ZNF66: variants seen among roughly 807,000 people sequenced by gnomAD.
ZNF66 encodes the protein putative zinc finger protein 66.
A neutral mutation model predicts 35.2 loss-of-function variants in ZNF66; 32 were observed. The observed-to-expected ratio is 0.91, with a 90% CI of 0.69 to 1.22. The LOEUF (loss-of-function observed/expected upper bound fraction) is 1.22. Ranked by LOEUF, ZNF66 falls within the 50% of genes most tolerant of loss-of-function variation. ZNF66 has a pLI of 0.00. For synonymous variants in ZNF66, 231 were observed against 181.3 expected (o/e 1.27, Z -2.20); for missense variants, 666 against 543.1 (o/e 1.23, Z -2.25).
Position 20,807,048 on chromosome 19 carries a change from G to C in ZNF66, c.1448G>C (p.Cys483Ser), listed in dbSNP as rs1027882853. 1.2e-6 allele frequency: 1 copy of C among 841,498 alleles called. No individual in the cohort carries two copies. The highest frequency in any genetic ancestry group is 1.8e-5 in the Admixed American group (1 of 56,748). 52.1% of individuals were successfully genotyped at this position (841,498 alleles called of 1,614,324 possible). ...CATACTGGAGAGAAGCCTTACAAAT[G>C]TGAAGAATGTGGCAAGGCCTTTAAG... Reference protein sequence around the residue: ...KIHTGEKPYKCEECGKAFKCS... With the variant: ...KIHTGEKPYKSEECGKAFKCS... The change falls in exon 4 of 4, where the codon TGT (cysteine) becomes TCT (serine). Residue 483 changes from cysteine (C) to serine (S), a missense_variant. By Grantham distance (112) the Cys-to-Ser change is moderately radical. Coordinates refer to ENST00000344519, the MANE Select transcript of ZNF66 (RefSeq NM_001355197.2).
chr19:20,798,209 CA>C (rs913676545), intron 3 of ZNF66, among the ~76,000 whole-genome samples: 11 of 151,524 alleles, frequency 7.3e-5, no homozygotes, highest in Admixed American at 5.9e-4. Flanking sequence ...AGGTAATTTT[CA>C]AAAAAATATG....
At chr19:20,779,779 A>T (rs57878888) in intron 1 of ZNF66, among the ~76,000 whole-genome samples, 14,021 of 145,500 alleles carry the variant, frequency 0.096, 668 homozygotes, top group Middle Eastern at 0.12. Flanking sequence ...AAAAAAAAAA[A>T]TCAACAGGTG....
chr19:20,795,372 CT>C (rs71174747), intron 3 of ZNF66, among the ~76,000 whole-genome samples: 206 of 143,088 alleles, frequency 1.4e-3, no homozygotes, highest in African/African-American at 2.2e-3. Flanking sequence ...TTTTCTTTTT[CT>C]TTTTTTTTTT....
chr19:20,786,496 C>T (rs66478629), intron 1 of ZNF66, among the ~76,000 whole-genome samples: 14,181 of 152,182 alleles, frequency 0.093, 679 homozygotes, highest in Middle Eastern at 0.11. Context: ...TGCCCACAAA[C>T]GTACAGGTAA....
chr19:20,798,662 A>G (rs1170068335), intron 3 of ZNF66, among the ~76,000 whole-genome samples: 1 of 152,128 alleles, frequency 6.6e-6, no homozygotes, highest in Non-Finnish European at 1.5e-5. Context: ...CTCAATGCCC[A>G]TTAAGTAACA....
At position 20,809,849 on chromosome 19, in the gene ZNF66, A is replaced by T. The variant is rs557867265; in HGVS notation, c.*2527A>T. On this transcript the variant is annotated 3_prime_UTR_variant, in exon 4 of 4. Transcript: ENST00000344519. Reference sequence around the variant, plus strand: ...ATAACAATATTAGCTTTAAATGTAAATGGGCTAAATGCTCCAATTAAAAGA... The same window carrying T: ...ATAACAATATTAGCTTTAAATGTAATTGGGCTAAATGCTCCAATTAAAAGA... 1.3e-5 allele frequency among the ~76,000 whole-genome samples: 2 copies of T among 152,330 alleles called. No individual in the cohort carries two copies. Among genetic ancestry groups the T allele is most frequent in the South Asian group, 4.2e-4 (2 of 4,818 alleles).
rs1180023078 is a variant in ZNF66 at position 20,776,346 on chromosome 19, T to C, written c.-102T>C. The C allele has an allele frequency of 2.7e-6, 4 of 1,482,498 alleles. No individual in the cohort carries two copies. The highest frequency in any genetic ancestry group is 3.4e-5 in the Admixed American group (2 of 59,460). The allele number at this position is 1,482,498 out of a possible 1,614,324, so 91.8% of individuals were successfully genotyped here. A position where few individuals can be genotyped will look rare whatever the true frequency, so the allele number is the denominator to read the frequency against. On this transcript the variant is annotated 5_prime_UTR_variant, in exon 1 of 4. Coordinates refer to ENST00000344519, the MANE Select transcript of ZNF66 (RefSeq NM_001355197.2). ...GAGCTCCAGGTCGTCTGTTCACTGC[T>C]CTCTGTCTTCTTCTCCTAGAGGCCC...
At chr19:20,777,806 A>G (rs1971209637) in intron 1 of ZNF66, among the ~76,000 whole-genome samples, 1 of 151,936 alleles carries the variant, frequency 6.6e-6, no homozygotes, top group South Asian at 2.1e-4. Flanking sequence ...TCATATTTTT[A>G]GTAGAGATGA....
chr19:20,798,798 G>T (rs1971419117), intron 3 of ZNF66, among the ~76,000 whole-genome samples: 1 of 152,096 alleles, frequency 6.6e-6, no homozygotes, highest in Non-Finnish European at 1.5e-5. Flanking sequence ...TTTGTTACTG[G>T]ATTAATTCAG....
At chr19:20,788,047 A>G (rs1401253168) in intron 1 of ZNF66, among the ~76,000 whole-genome samples, 1 of 152,214 alleles carries the variant, frequency 6.6e-6, no homozygotes, top group Non-Finnish European at 1.5e-5. Context: ...GTCTCAGTGT[A>G]AGAGAAATGA....
At chr19:20,805,229 C>CAGAG in intron 3 of ZNF66, among the ~76,000 whole-genome samples, 1 of 152,198 alleles carries the variant, frequency 6.6e-6, no homozygotes, top group South Asian at 2.1e-4. Flanking sequence ...GAGTCTCACT[C>CAGAG]TGTCACCCAG....
At chr19:20,781,293 G>A (rs34215623) in intron 1 of ZNF66, among the ~76,000 whole-genome samples, 13,894 of 152,060 alleles carry the variant, frequency 0.091, 774 homozygotes, top group Non-Finnish European at 0.12. Context: ...GTAAAATTAT[G>A]TCATGGGGGT....
chr19:20,792,657 C>A lies in ZNF66; in HGVS notation c.130+19C>A. On this transcript the variant is annotated intron_variant, in intron 2 of 3. Coordinates refer to ENST00000344519, the MANE Select transcript of ZNF66 (RefSeq NM_001355197.2). ...TTTCTTGGTGAGAAAAACTTTAATA[C>A]ATAACTCATAATATACACAAATTGT... The A allele has an allele frequency of 1.6e-6, 2 of 1,214,106 alleles. No homozygotes were observed. Among genetic ancestry groups the A allele is most frequent in the African/African-American group, 1.5e-5 (1 of 64,642 alleles). The allele number at this position is 1,214,106 out of a possible 1,614,324, so 75.2% of individuals were successfully genotyped here. A position where few individuals can be genotyped will look rare whatever the true frequency, so the allele number is the denominator to read the frequency against.
intron 1 of ZNF66, chr19:20,784,498 G>A (rs1452218589): frequency 2.6e-5 from 4 of 152,148 alleles, no homozygotes; most frequent in Non-Finnish European, 5.9e-5. Flanking sequence ...AAAGACAGGT[G>A]ATGTGGCCAC....
chr19:20,793,483 C>G (rs1971361828), intron 2 of ZNF66, among the ~76,000 whole-genome samples: 1 of 151,618 alleles, frequency 6.6e-6, no homozygotes, highest in Non-Finnish European at 1.5e-5. Context: ...TCACTATGCT[C>G]CGCTAATTTT....
chr19:20,790,282 G>T (rs1394546496), intron 1 of ZNF66, among the ~76,000 whole-genome samples: 1 of 152,232 alleles, frequency 6.6e-6, no homozygotes, highest in African/African-American at 2.4e-5. Context: ...TGTTCTGGGT[G>T]GAAGCATCCA....
intron 1 of ZNF66, among the ~76,000 whole-genome samples, chr19:20,790,157 T>C (rs1032193773): frequency 7.2e-5 from 11 of 152,256 alleles, no homozygotes; most frequent in African/African-American, 2.7e-4. Flanking sequence ...TTTATAAGCT[T>C]GTTAAAGCTT....
intron 2 of ZNF66, among the ~76,000 whole-genome samples, chr19:20,793,154 A>G (rs997638196): frequency 1.3e-5 from 2 of 151,758 alleles, no homozygotes; most frequent in African/African-American, 4.8e-5. Flanking sequence ...GGTGAGTTAT[A>G]TTCTTCACTC....
chr19:20,801,445 G>C (rs1352273482), intron 3 of ZNF66, among the ~76,000 whole-genome samples: 2 of 151,802 alleles, frequency 1.3e-5, no homozygotes, highest in African/African-American at 4.8e-5. Context: ...CTGGGTTCAA[G>C]TGATTCTCCT....
Sources: allele counts gnomAD v4.1 joint callset (sites outside exome capture counted in the v4.1 genomes callset), GRCh38; gene constraint gnomAD v4.1.1; transcripts MANE v1.5; gene names NCBI Gene and HGNC (gene_info 2026-07-23, HGNC 2026-07-21).